DCX: variants seen among roughly 807,000 people sequenced by gnomAD.
The protein encoded by DCX is neuronal migration protein doublecortin.
DCX carries 4 observed loss-of-function variants against 20.9 expected under a neutral mutation model. The ratio of observed to expected loss-of-function variants is 0.19; its 90% confidence interval spans 0.09 to 0.44. DCX has a LOEUF of 0.44. Ranked by LOEUF, DCX falls within the 20% of genes least tolerant of loss-of-function variation. DCX has a pLI of 0.99. For missense variants in DCX, 133 were observed against 296.9 expected (o/e 0.45, Z 4.06); for synonymous variants, 103 against 111.4 (o/e 0.92, Z 0.47).
At chrX:111,318,124 G>T (rs1313143505) in intron 5 of DCX, among the ~76,000 whole-genome samples, 7 of 102,327 alleles carry the variant, frequency 6.8e-5, no homozygotes, top group Admixed American at 2.1e-4. Flanking sequence ...GGCGGAGGTT[G>T]CAGTGAGCTG....
intron 3 of DCX, among the ~76,000 whole-genome samples, chrX:111,380,215 G>C (rs1394417680): frequency 9.0e-6 from 1 of 111,024 alleles, no homozygotes; most frequent in Non-Finnish European, 1.9e-5. Context: ...TTTTTCTTTG[G>C]TTGCTTGTGT....
At chrX:111,334,031 T>G (rs1921500501) in intron 3 of DCX, among the ~76,000 whole-genome samples, 1 of 112,245 alleles carries the variant, frequency 8.9e-6, no homozygotes, top group South Asian at 3.7e-4. Context: ...ACCTCTTAGT[T>G]TGAAAGTGTT....
At chrX:111,404,458 C>T (rs1483931927) in intron 2 of DCX, among the ~76,000 whole-genome samples, 1 of 112,071 alleles carries the variant, frequency 8.9e-6, no homozygotes, top group Non-Finnish European at 1.9e-5. Context: ...TCTGCAGAGG[C>T]CCGCTGAGAG....
intron 2 of DCX, among the ~76,000 whole-genome samples, chrX:111,406,446 C>T (rs1312792558): frequency 9.0e-6 from 1 of 111,504 alleles, no homozygotes; most frequent in African/African-American, 3.3e-5. Context: ...TATAATTTTA[C>T]CTTGTCAATA....
At chrX:111,395,944 A>G (rs745435607) in intron 3 of DCX, among the ~76,000 whole-genome samples, 44 of 112,360 alleles carry the variant, frequency 3.9e-4, no homozygotes, top group Admixed American at 7.5e-4. Flanking sequence ...AGGGGAGAGA[A>G]AAACTGGCTA....
Position 111,330,873 on chromosome X carries a change from C to A in DCX, c.946+31G>T, listed in dbSNP as rs768034168. On this transcript the variant is annotated intron_variant, in intron 5 of 6. Transcript: ENST00000636035. ...AAGTATTGTCCTCCATAAATGAAGT[C>A]AGCGTGCACAGTTAGGAAAAGAGCA... is the stretch of plus-strand genomic sequence containing the variant. The A allele has an allele frequency of 3.3e-6, 4 of 1,208,382 alleles. No homozygotes were observed. The Admixed American group carries it at 8.7e-5, about 26-fold the overall frequency.
At chrX:111,322,985 A>C (rs1270816170) in intron 5 of DCX, among the ~76,000 whole-genome samples, 1 of 112,000 alleles carries the variant, frequency 8.9e-6, no homozygotes, top group Non-Finnish European at 1.9e-5. Flanking sequence ...TTTGACACAG[A>C]TGAGTTTCCC....
chrX:111,353,912 C>T (rs1923525499), intron 3 of DCX, among the ~76,000 whole-genome samples: 1 of 111,784 alleles, frequency 8.9e-6, no homozygotes, highest in Non-Finnish European at 1.9e-5. Context: ...ACTTTTGGAC[C>T]TTGTTTATAC....
chrX:111,310,188 C>A (rs2095054277), intron 6 of DCX, among the ~76,000 whole-genome samples: 1 of 111,174 alleles, frequency 9.0e-6, no homozygotes, highest in Admixed American at 9.5e-5. Flanking sequence ...AAAAATTAGC[C>A]AGGCGTGGTG....
At chrX:111,406,997 C>T (rs575425819) in intron 2 of DCX, among the ~76,000 whole-genome samples, 2 of 111,610 alleles carry the variant, frequency 1.8e-5, no homozygotes, top group East Asian at 2.8e-4. Context: ...AAATAATTAA[C>T]ATGAGTCACA....
chrX:111,387,259 C>T (rs1013550277), intron 3 of DCX, among the ~76,000 whole-genome samples: 2 of 111,333 alleles, frequency 1.8e-5, no homozygotes, highest in East Asian at 2.8e-4. Context: ...CATAAATAAA[C>T]GTTTAGGTTG....
chrX:111,309,972 A>T (rs1347166853), intron 6 of DCX, among the ~76,000 whole-genome samples: 1 of 112,450 alleles, frequency 8.9e-6, no homozygotes, highest in South Asian at 3.6e-4. Context: ...GTTCTTAGGA[A>T]CTACATACTG....
At chrX:111,396,904 G>A (rs1163842306) in intron 3 of DCX, among the ~76,000 whole-genome samples, 1 of 111,134 alleles carries the variant, frequency 9.0e-6, no homozygotes, top group African/African-American at 3.3e-5. Flanking sequence ...ATCAATTGGG[G>A]TGTCTTCCTA....
intron 2 of DCX, among the ~76,000 whole-genome samples, chrX:111,408,898 G>GT (rs1447027190): frequency 9.0e-6 from 1 of 111,346 alleles, no homozygotes; most frequent in Non-Finnish European, 1.9e-5. Flanking sequence ...GCAGAGGCAG[G>GT]TTTTTCCCAC....
chrX:111,331,618 G>C (rs1055776483), intron 4 of DCX, among the ~76,000 whole-genome samples: 1 of 111,917 alleles, frequency 8.9e-6, no homozygotes. Context: ...CCCTTATGGG[G>C]GGTTAATGAA....
At chrX:111,316,996 T>C (rs1259934411) in intron 5 of DCX, among the ~76,000 whole-genome samples, 4 of 112,353 alleles carry the variant, frequency 3.6e-5, no homozygotes, top group African/African-American at 1.3e-4. Context: ...ATGGCCATAC[T>C]GCCCAAAACA....
chrX:111,348,590 G>A (rs763027309), intron 3 of DCX, among the ~76,000 whole-genome samples: 1 of 110,868 alleles, frequency 9.0e-6, no homozygotes, highest in South Asian at 3.9e-4. Flanking sequence ...GGACAAATTG[G>A]CTCAGAGAAA....
intron 3 of DCX, among the ~76,000 whole-genome samples, chrX:111,334,820 A>T (rs1362846385): frequency 2.7e-5 from 3 of 112,108 alleles, no homozygotes; most frequent in Non-Finnish European, 3.8e-5. Context: ...GAGCATTTCA[A>T]TTTAGTGTCA....
intron 3 of DCX, among the ~76,000 whole-genome samples, chrX:111,340,947 G>T (rs760766202): frequency 9.0e-6 from 1 of 111,406 alleles, no homozygotes; most frequent in African/African-American, 3.3e-5. Context: ...ATGAAAAAAT[G>T]CTGAAAACCC....
Sources: gnomAD v4.1 joint callset for allele counts (sites outside exome capture counted in the v4.1 genomes callset) on GRCh38, gnomAD v4.1.1 for gene constraint, MANE v1.5 for transcripts, NCBI Gene and HGNC (gene_info 2026-07-23, HGNC 2026-07-21) for gene names.